PCDHA10: variants seen among roughly 807,000 people sequenced by gnomAD.
PCDHA10 encodes the protein protocadherin alpha 10.
Under a neutral mutation model 61.2 loss-of-function variants are expected in PCDHA10, and 45 were observed. That is an observed-to-expected ratio of 0.74 (90% CI 0.58 to 0.94). PCDHA10 has a LOEUF of 0.94. Among genes scored for constraint, PCDHA10 ranks in the 40% least tolerant of loss-of-function variants. The pLI, the probability that PCDHA10 is intolerant of heterozygous loss-of-function variation, is 0.00. For synonymous variants in PCDHA10, 602 were observed against 548.8 expected (o/e 1.10, Z -1.35); for missense variants, 1,278 against 1,236.2 (o/e 1.03, Z -0.51).
chr5:140,947,784 T>C (rs2094176527), intron 1 of PCDHA10, among the ~76,000 whole-genome samples: 1 of 151,672 alleles, frequency 6.6e-6, no homozygotes, highest in Non-Finnish European at 1.5e-5. Context: ...AAATGGATTT[T>C]AAACAGACTT....
intron 1 of PCDHA10, among the ~76,000 whole-genome samples, chr5:140,971,359 G>T (rs537725732): frequency 6.6e-5 from 10 of 152,312 alleles, no homozygotes; most frequent in Admixed American, 3.3e-4. Flanking sequence ...GGGAGATTTT[G>T]CCAGGAGAGT....
At chr5:140,877,096 G>T in intron 1 of PCDHA10, 3 of 1,613,378 alleles carry the variant, frequency 1.9e-6, no homozygotes, top group Non-Finnish European at 2.5e-6. Context: ...CGACGCCGGC[G>T]TGCCGCCTCT....
rs782163731 is a variant in PCDHA10, at chr5:140,869,573, C to A, written c.2388+11137C>A. 8 of 1,614,154 alleles carry A rather than the reference C, an allele frequency of 5.0e-6. No homozygotes were observed. In the East Asian group the frequency reaches 1.8e-4, roughly 36 times the overall value. ...GACTCGCGTTTTCCACTAGAGGGAG[C>A]TTCTGATGCTGACATTGAAGAGAAT... On this transcript the variant is annotated intron_variant, in intron 1 of 3. Coordinates refer to ENST00000307360, the MANE Select transcript of PCDHA10 (RefSeq NM_018901.4).
rs551606343 is a variant in PCDHA10 at position 140,977,430 on chromosome 5, G to A, written c.2389-1519G>A. Among the ~76,000 whole-genome samples, 14 of 152,252 alleles carry A rather than the reference G, an allele frequency of 9.2e-5. No homozygotes were observed. The South Asian group carries it at 2.5e-3, about 27-fold the overall frequency. The stretch of plus-strand genomic sequence containing the variant: ...ATTTTCTTTTGTTCCCTCTAACACC[G>A]CTAGTAGATAATGGAAACTCCTTTG... On this transcript the variant is annotated intron_variant, in intron 1 of 3. Coordinates refer to ENST00000307360, the MANE Select transcript of PCDHA10 (RefSeq NM_018901.4).
At chr5:140,923,638 C>G (rs1375136191) in intron 1 of PCDHA10, among the ~76,000 whole-genome samples, 1 of 152,176 alleles carries the variant, frequency 6.6e-6, no homozygotes, top group African/African-American at 2.4e-5. Flanking sequence ...AGGCAAAAAT[C>G]TTTAGCCTCC....
chr5:140,876,155 T>C lies in PCDHA10; in HGVS notation c.2388+17719T>C, dbSNP rs1554168308. Reference sequence around the variant, plus strand: ...CCAGAACTAACAGGGTCTGTCCAGATTCAAATAACCGTCCTGGATGTGAAT... The same window carrying C: ...CCAGAACTAACAGGGTCTGTCCAGACTCAAATAACCGTCCTGGATGTGAAT... On this transcript the variant is annotated intron_variant, in intron 1 of 3. Coordinates refer to ENST00000307360, the MANE Select transcript of PCDHA10 (RefSeq NM_018901.4). 3 of 1,613,994 alleles carry C rather than the reference T, an allele frequency of 1.9e-6. No homozygotes were observed. Among genetic ancestry groups the C allele is most frequent in the Admixed American group, 3.3e-5 (2 of 60,026 alleles).
intron 1 of PCDHA10, chr5:140,881,499 C>A: frequency 3.8e-6 from 1 of 261,884 alleles, no homozygotes; most frequent in Non-Finnish European, 5.9e-6. Context: ...TGCACATACA[C>A]ACACTCACAT....
At chr5:140,914,542 T>C (rs1323797101) in intron 1 of PCDHA10, among the ~76,000 whole-genome samples, 2 of 152,202 alleles carry the variant, frequency 1.3e-5, no homozygotes, top group Non-Finnish European at 2.9e-5. Context: ...ACTTTATTTC[T>C]TTTTATTGGA....
chr5:140,878,333 G>C (rs947043628), intron 1 of PCDHA10, among the ~76,000 whole-genome samples: 4 of 152,000 alleles, frequency 2.6e-5, no homozygotes, highest in Admixed American at 6.5e-5. Flanking sequence ...TATATTCCAG[G>C]TATTATCACA....
chr5:140,946,224 C>T (rs1450090999), intron 1 of PCDHA10, among the ~76,000 whole-genome samples: 1 of 151,786 alleles, frequency 6.6e-6, no homozygotes, highest in Non-Finnish European at 1.5e-5. Context: ...AACAGGTATA[C>T]TAAAAAATGC....
intron 1 of PCDHA10, among the ~76,000 whole-genome samples, chr5:140,914,813 C>T (rs1346638828): frequency 6.6e-6 from 1 of 152,070 alleles, no homozygotes; most frequent in Non-Finnish European, 1.5e-5. Flanking sequence ...GGCAACTTAA[C>T]AGACTGCATA....
intron 1 of PCDHA10, among the ~76,000 whole-genome samples, chr5:140,895,848 G>C (rs147299280): frequency 2.2e-3 from 342 of 152,098 alleles, no homozygotes; most frequent in African/African-American, 8.1e-3. Context: ...TCTCACTCTT[G>C]TACCCCAGGC....
intron 1 of PCDHA10, among the ~76,000 whole-genome samples, chr5:140,897,593 G>A (rs1185165472): frequency 6.6e-6 from 1 of 152,014 alleles, no homozygotes; most frequent in Non-Finnish European, 1.5e-5. Context: ...TGTCATTGTT[G>A]GACATTTGGG....
intron 1 of PCDHA10, among the ~76,000 whole-genome samples, chr5:140,896,268 A>T (rs2065469707): frequency 6.6e-6 from 1 of 152,150 alleles, no homozygotes; most frequent in African/African-American, 2.4e-5. Context: ...CAGTTATGGG[A>T]TTTGCTGGCT....
At chr5:140,876,282 C>T (rs1227830598) in intron 1 of PCDHA10, 3 of 1,613,872 alleles carry the variant, frequency 1.9e-6, no homozygotes, top group Admixed American at 1.7e-5. Flanking sequence ...CCGATCCAGA[C>T]GAAGGACTTA....
At chr5:140,960,273 C>T (rs1490527862) in intron 1 of PCDHA10, among the ~76,000 whole-genome samples, 1 of 152,148 alleles carries the variant, frequency 6.6e-6, no homozygotes, top group Non-Finnish European at 1.5e-5. Context: ...AATTCCGTCA[C>T]CTTTTTGGGA....
At position 141,011,088 on chromosome 5, in the gene PCDHA10, TTCTC is replaced by T. The variant is rs375099849; in HGVS notation, c.*1165_*1168del. Reference sequence around the variant, plus strand: ...TATTACTAAATAAAATGATCTCTCTTTCTCTCTCTCTCTCTCTTTTCTAAGAAAC... The same window carrying T: ...TATTACTAAATAAAATGATCTCTCTTTCTCTCTCTCTCTTTTCTAAGAAAC... On this transcript the variant is annotated 3_prime_UTR_variant, in exon 4 of 4. Coordinates refer to ENST00000307360, the MANE Select transcript of PCDHA10 (RefSeq NM_018901.4). 16 of 152,024 alleles carry T rather than the reference TTCTC, an allele frequency of 1.1e-4. No individual in the cohort carries two copies. Among genetic ancestry groups the T allele is most frequent in the African/African-American group, 2.2e-4 (9 of 41,160 alleles). 9.4% of individuals were successfully genotyped at this position (152,024 alleles called of 1,614,324 possible).
chr5:140,922,098 A>G (rs1193331436), intron 1 of PCDHA10, among the ~76,000 whole-genome samples: 2 of 152,176 alleles, frequency 1.3e-5, no homozygotes, highest in Non-Finnish European at 2.9e-5. Context: ...TCTACCAACT[A>G]TAGATAAATG....
chr5:140,985,430 A>T lies in PCDHA10; in HGVS notation c.2536+2867A>T, dbSNP rs1158797076. ...GGAAATGGAGTGAGGAGGATTTATT[A>T]GTTGCTGCCTGAAGAAAAGGGAAAT... On this transcript the variant is annotated intron_variant, in intron 3 of 3. Transcript: ENST00000307360. Among the ~76,000 whole-genome samples the T allele has an allele frequency of 2.6e-5, 4 of 152,186 alleles. 1 individual carries two copies. Among genetic ancestry groups the T allele is most frequent in the Non-Finnish European group, 5.9e-5 (4 of 68,036 alleles).
Sources: gnomAD v4.1 joint callset for allele counts (sites outside exome capture counted in the v4.1 genomes callset) on GRCh38, gnomAD v4.1.1 for gene constraint, MANE v1.5 for transcripts, NCBI Gene and HGNC (gene_info 2026-07-23, HGNC 2026-07-21) for gene names.